The following CFAP97 variants were observed in gnomAD, a reference collection of about 807,000 sequenced individuals.
The protein encoded by CFAP97 is cilia and flagella associated protein 97, also known as cilia- and flagella-associated protein 97.
A neutral mutation model predicts 43.1 loss-of-function variants in CFAP97; 36 were observed. The observed-to-expected ratio is 0.84, with a 90% CI of 0.64 to 1.10. The LOEUF is 1.10. Ranked by LOEUF, CFAP97 falls within the 50% of genes least tolerant of loss-of-function variation. CFAP97 has a pLI of 0.00. For missense variants in CFAP97, 657 were observed against 620.3 expected (o/e 1.06, Z -0.63); for synonymous variants, 228 against 225.7 (o/e 1.01, Z -0.09).
intron 1 of CFAP97, among the ~76,000 whole-genome samples, chr4:185,192,477 C>T (rs1455591130): frequency 1.3e-5 from 2 of 151,990 alleles, no homozygotes; most frequent in African/African-American, 4.8e-5. Flanking sequence ...TCCCTAGAGA[C>T]CACGTTTTTG....
chr4:185,207,255 C>T (rs1355915785), upstream of CFAP97, among the ~76,000 whole-genome samples: 9 of 121,650 alleles, frequency 7.4e-5, no homozygotes, highest in Admixed American at 2.3e-4. Context: ...GTCTCGCTGT[C>T]GCCCAGGCTG....
In CFAP97 at chr4:185,175,941, G is replaced by A. The variant is rs369749223; in HGVS notation, c.1165C>T (p.Arg389Trp). 3 of 1,613,722 alleles carry A rather than the reference G, an allele frequency of 1.9e-6. No individual in the cohort carries two copies. Among genetic ancestry groups the A allele is most frequent in the Admixed American group, 1.7e-5 (1 of 59,980 alleles). The change falls in exon 3 of 5, where the codon CGG becomes TGG. Residue 389 changes from arginine (R) to tryptophan (W), a missense_variant. Arg to Trp is a moderately radical substitution (Grantham distance 101). Transcript: ENST00000458385. ...FTREEVRQID[R>W]ENQRLLKELS... ...TCTTTCAAAAGCCTCTGATTTTCCC[G>A]ATCGATCTGTCTCACCTCTTCTCTT...
upstream of CFAP97, chr4:185,209,993 G>A: frequency 1.0e-6 from 1 of 983,806 alleles, no homozygotes; most frequent in Non-Finnish European, 1.2e-6. The surrounding 1 kb of genome is among the most constrained non-coding windows in gnomAD (Gnocchi z 5.2). Flanking sequence ...GGCGGCCGGA[G>A]CTGGTGGAAG....
intron 4 of CFAP97, 60 bp from the exon 5 acceptor site, chr4:185,162,985 GT>G: frequency 7.0e-7 from 1 of 1,434,922 alleles, no homozygotes; most frequent in Non-Finnish European, 9.2e-7. Flanking sequence ...GTCCAGACTA[GT>G]TTTTCTTCCA....
chr4:185,168,691 G>A (rs958855501), intron 3 of CFAP97, among the ~76,000 whole-genome samples: 6 of 152,030 alleles, frequency 3.9e-5, no homozygotes, highest in South Asian at 2.1e-4. Flanking sequence ...TCAGGAGTTC[G>A]AGACCAGCCT....
chr4:185,207,726 T>C (rs1351532683), upstream of CFAP97: 1 of 152,226 alleles, frequency 6.6e-6, no homozygotes, highest in East Asian at 1.9e-4. Context: ...GTTGAGCATG[T>C]CATCTTACCT....
rs1318428455 is a variant in CFAP97 at position 185,203,952 on chromosome 4, C to G, written c.-71G>C. The G allele has an allele frequency of 6.6e-6, 1 of 151,436 alleles. No individual in the cohort carries two copies. Among genetic ancestry groups the G allele is most frequent in the Admixed American group, 6.6e-5 (1 of 15,210 alleles). 9.4% of individuals were successfully genotyped at this position (151,436 alleles called of 1,614,324 possible). On this transcript the variant is annotated 5_prime_UTR_variant, in exon 1 of 5. Transcript: ENST00000458385. ...CGCGGCGCTGGCGCACTCCCGCGGCCCTGAACGGGCTCCCGGCGCCGCGCG... is the reference window on the plus strand; with the variant it reads ...CGCGGCGCTGGCGCACTCCCGCGGCGCTGAACGGGCTCCCGGCGCCGCGCG...
rs1734911550 is a variant in CFAP97 at position 185,162,655 on chromosome 4, T to C, written c.*143A>G. The C allele has an allele frequency of 3.5e-6, 3 of 862,376 alleles. No homozygotes were observed. The highest frequency in any genetic ancestry group is 1.7e-6 in the Non-Finnish European group (1 of 572,682). The allele number at this position is 862,376 out of a possible 1,614,324, so 53.4% of individuals were successfully genotyped here. On this transcript the variant is annotated 3_prime_UTR_variant, in exon 5 of 5. Coordinates refer to ENST00000458385, the MANE Select transcript of CFAP97 (RefSeq NM_020827.3). Reference sequence around the variant, plus strand: ...TCGTTTTTTGACAATAATTTTGCACTGAATAACAATACATTACAACTCACT... The same window carrying C: ...TCGTTTTTTGACAATAATTTTGCACCGAATAACAATACATTACAACTCACT...
At chr4:185,194,910 G>C (rs561670619) in intron 1 of CFAP97, among the ~76,000 whole-genome samples, 27 of 152,298 alleles carry the variant, frequency 1.8e-4, no homozygotes, top group African/African-American at 6.5e-4. Flanking sequence ...AGGCACATAA[G>C]TGATGAGTGG....
upstream of CFAP97, chr4:185,207,717 T>C (rs1045561745): frequency 2.6e-5 from 4 of 152,208 alleles, no homozygotes; most frequent in African/African-American, 9.7e-5. Context: ...CTTTGCAATG[T>C]TGAGCATGTC....
intron 1 of CFAP97, among the ~76,000 whole-genome samples, chr4:185,191,793 G>A (rs75578189): frequency 0.021 from 3,212 of 152,046 alleles, 52 homozygotes; most frequent in Middle Eastern, 0.071. Context: ...TCACACCACC[G>A]CACTCCAGCC....
chr4:185,207,132 C>T (rs1270558544), upstream of CFAP97, among the ~76,000 whole-genome samples: 2 of 151,444 alleles, frequency 1.3e-5, no homozygotes, highest in East Asian at 3.9e-4. Flanking sequence ...TCTTGGGAAA[C>T]ACCCAGAAAT....
intron 2 of CFAP97, among the ~76,000 whole-genome samples, chr4:185,179,769 T>A (rs1735710769): frequency 6.6e-6 from 1 of 152,200 alleles, no homozygotes. Flanking sequence ...GATTAGTTCA[T>A]CACTTTTAAA....
At chr4:185,181,079 T>C (rs1311930791) in intron 2 of CFAP97, among the ~76,000 whole-genome samples, 1 of 151,908 alleles carries the variant, frequency 6.6e-6, no homozygotes, top group Non-Finnish European at 1.5e-5. Flanking sequence ...TAAAACCTTG[T>C]CTCTGCAGAC....
At chr4:185,199,363 T>TC in intron 1 of CFAP97, among the ~76,000 whole-genome samples, 1 of 151,652 alleles carries the variant, frequency 6.6e-6, no homozygotes, top group Middle Eastern at 3.5e-3. Flanking sequence ...AGAGCAAGAC[T>TC]CCGTCTCAAA....
At chr4:185,179,011 A>G (rs80164556) in intron 2 of CFAP97, among the ~76,000 whole-genome samples, 2,257 of 152,274 alleles carry the variant, frequency 0.015, 72 homozygotes, top group East Asian at 0.12. Flanking sequence ...AAAATCATAA[A>G]AAGAACTGGC....
chr4:185,171,302 TG>T (rs1210529843), intron 3 of CFAP97, among the ~76,000 whole-genome samples: 1 of 152,062 alleles, frequency 6.6e-6, no homozygotes, highest in African/African-American at 2.4e-5. Context: ...GAGTTCAGCC[TG>T]GGTAACACAG....
chr4:185,183,647 A>T (rs1486912859), intron 2 of CFAP97, among the ~76,000 whole-genome samples: 2 of 152,240 alleles, frequency 1.3e-5, no homozygotes, highest in African/African-American at 2.4e-5. Flanking sequence ...TAATTTTGAA[A>T]AATGATTGCA....
chr4:185,182,706 T>C (rs1735849886), intron 2 of CFAP97, among the ~76,000 whole-genome samples: 1 of 152,230 alleles, frequency 6.6e-6, no homozygotes, highest in Non-Finnish European at 1.5e-5. Flanking sequence ...CAACACTGTC[T>C]CGTCATTCCA....
Sources: gnomAD v4.1 joint callset for allele counts (sites outside exome capture counted in the v4.1 genomes callset) on GRCh38, gnomAD v4.1.1 for gene constraint, Gnocchi (gnomAD v3.1) non-coding constraint, MANE v1.5 for transcripts, NCBI Gene and HGNC (gene_info 2026-07-23, HGNC 2026-07-21) for gene names.